TAFA2: variants seen among roughly 807,000 people sequenced by gnomAD.
TAFA2 encodes TAFA chemokine like family member 2.
Under a neutral mutation model 18.8 loss-of-function variants are expected in TAFA2, and 7 were observed. The observed-to-expected ratio is 0.37, with a 90% CI of 0.21 to 0.70. TAFA2 has a LOEUF of 0.70. Ranked by LOEUF, TAFA2 falls within the 30% of genes least tolerant of loss-of-function variation. The pLI, the probability that TAFA2 is intolerant of heterozygous loss-of-function variation, is 0.53. For missense variants in TAFA2, 122 were observed against 158.1 expected, an observed-to-expected ratio of 0.77 and a Z score of 1.23; for synonymous variants, 60 against 54.2, an observed-to-expected ratio of 1.11 and a Z score of -0.47.
At chr12:62,141,223 A>G (rs904475227) in intron 1 of TAFA2, among the ~76,000 whole-genome samples, 1 of 152,244 alleles carries the variant, frequency 6.6e-6, no homozygotes, top group Non-Finnish European at 1.5e-5. Flanking sequence ...ATCTCTGAGG[A>G]GGAAAGTTCA....
chr12:62,124,532 A>C (rs185342662), intron 1 of TAFA2, among the ~76,000 whole-genome samples: 2 of 152,292 alleles, frequency 1.3e-5, no homozygotes, highest in East Asian at 3.9e-4. Flanking sequence ...TTGCTGTTAA[A>C]AGGAAATGTT....
At chr12:62,233,820 C>A (rs1470431495) in intron 1 of TAFA2, among the ~76,000 whole-genome samples, 1 of 152,176 alleles carries the variant, frequency 6.6e-6, no homozygotes, top group Non-Finnish European at 1.5e-5. Context: ...GGATGGAGGG[C>A]ACCTGGATGT....
At chr12:61,998,397 G>A (rs550543407) in intron 1 of TAFA2, among the ~76,000 whole-genome samples, 11 of 152,118 alleles carry the variant, frequency 7.2e-5, no homozygotes, top group South Asian at 2.1e-4. Context: ...AAAAGATAGC[G>A]CTCTCATGAA....
intron 2 of TAFA2, among the ~76,000 whole-genome samples, chr12:61,863,357 G>A (rs1874207370): frequency 6.6e-6 from 1 of 152,206 alleles, no homozygotes; most frequent in Admixed American, 6.5e-5. Flanking sequence ...GCATCTTGTG[G>A]CATTCCTGTG....
intron 1 of TAFA2, chr12:62,145,528 G>A (rs2062274258): frequency 6.6e-6 from 1 of 152,126 alleles, no homozygotes; most frequent in South Asian, 2.1e-4. Flanking sequence ...CTGATATAAG[G>A]GACCTAAAGA....
intron 2 of TAFA2, among the ~76,000 whole-genome samples, chr12:61,765,761 A>G (rs1279381592): frequency 6.6e-6 from 1 of 152,112 alleles, no homozygotes; most frequent in East Asian, 1.9e-4. Flanking sequence ...ACCCTTGTAT[A>G]TATTTATGTA....
intron 1 of TAFA2, among the ~76,000 whole-genome samples, chr12:62,011,275 C>T (rs887805028): frequency 6.6e-6 from 1 of 151,986 alleles, no homozygotes; most frequent in Non-Finnish European, 1.5e-5. Flanking sequence ...GAGAGCGGGC[C>T]ATGATGACGA....
At chr12:61,966,087 T>C (rs575615577) in intron 1 of TAFA2, among the ~76,000 whole-genome samples, 2 of 151,996 alleles carry the variant, frequency 1.3e-5, no homozygotes, top group African/African-American at 2.4e-5. Flanking sequence ...GCCATACTAT[T>C]TTCCACAGTG....
intron 1 of TAFA2, among the ~76,000 whole-genome samples, chr12:62,019,123 A>T (rs1881034056): frequency 6.6e-6 from 1 of 152,224 alleles, no homozygotes; most frequent in African/African-American, 2.4e-5. Flanking sequence ...AACCACAATG[A>T]GATACCATCT....
At chr12:61,858,472 G>C (rs994748397) in intron 2 of TAFA2, among the ~76,000 whole-genome samples, 15 of 151,810 alleles carry the variant, frequency 9.9e-5, no homozygotes, top group Non-Finnish European at 1.3e-4. Context: ...AAGTTCTAGG[G>C]TACATGTGTG....
At chr12:61,869,085 T>C (rs766432809) in intron 1 of TAFA2, among the ~76,000 whole-genome samples, 7 of 152,182 alleles carry the variant, frequency 4.6e-5, no homozygotes, top group Non-Finnish European at 7.4e-5. Context: ...TTGGGAGGCT[T>C]GTCCATTCGT....
At chr12:61,979,843 G>A (rs180686935) in intron 1 of TAFA2, among the ~76,000 whole-genome samples, 2 of 152,116 alleles carry the variant, frequency 1.3e-5, no homozygotes, top group Admixed American at 1.3e-4. Flanking sequence ...TGCAGATATG[G>A]CAAACGAGAC....
chr12:61,993,487 CA>C lies in TAFA2; in HGVS notation c.-1-126062del, dbSNP rs1196172733. Reference sequence around the variant, plus strand: ...TAGTGGCGATTGAGAATGTTCATAGCAAGGGTTAAATGATGTATTACCTTGA... The same window carrying C: ...TAGTGGCGATTGAGAATGTTCATAGCAGGGTTAAATGATGTATTACCTTGA... On this transcript the variant is annotated intron_variant, in intron 1 of 4. Coordinates refer to ENST00000416284, the MANE Select transcript of TAFA2 (RefSeq NM_178539.5). Among the ~76,000 whole-genome samples, 6 of 152,162 alleles carry C rather than the reference CA, an allele frequency of 3.9e-5. No homozygotes were observed. The East Asian group carries it at 1.2e-3, about 29-fold the overall frequency.
chr12:62,184,549 C>T (rs1341776356), intron 1 of TAFA2, among the ~76,000 whole-genome samples: 2 of 145,016 alleles, frequency 1.4e-5, no homozygotes, highest in African/African-American at 2.6e-5. Flanking sequence ...GGCTAGAGTG[C>T]ATGGTGTGAT....
At chr12:62,241,067 T>G (rs2062860833) in intron 1 of TAFA2, among the ~76,000 whole-genome samples, 1 of 152,148 alleles carries the variant, frequency 6.6e-6, no homozygotes, top group Non-Finnish European at 1.5e-5. Context: ...TCTGTCTACT[T>G]TTGCAACATG....
At chr12:62,162,506 T>C (rs2062413132) in intron 1 of TAFA2, among the ~76,000 whole-genome samples, 1 of 152,228 alleles carries the variant, frequency 6.6e-6, no homozygotes, top group African/African-American at 2.4e-5. Context: ...GTGATGCATA[T>C]CACCTACTTT....
At chr12:61,981,838 G>A (rs564786451) in intron 1 of TAFA2, among the ~76,000 whole-genome samples, 1 of 152,282 alleles carries the variant, frequency 6.6e-6, no homozygotes, top group South Asian at 2.1e-4. Context: ...TCCCACTGTT[G>A]GTGGGAGTGT....
At chr12:61,786,107 G>C (rs1051445058) in intron 2 of TAFA2, among the ~76,000 whole-genome samples, 4 of 151,506 alleles carry the variant, frequency 2.6e-5, no homozygotes, top group African/African-American at 9.7e-5. Context: ...CAAAGGGAAA[G>C]AAACATCCAC....
Position 61,760,365 on chromosome 12 carries a change from A to AATATATATAT in TAFA2, c.107-5351_107-5342dup, listed in dbSNP as rs71083956. Among the ~76,000 whole-genome samples, 101 of 122,214 alleles carry AATATATATAT rather than the reference A, an allele frequency of 8.3e-4. 3 individuals are homozygous for AATATATATAT. The highest frequency in any genetic ancestry group is 1.6e-3 in the African/African-American group (55 of 33,404). 80.2% of individuals were successfully genotyped at this position (122,214 alleles called of 152,430 possible). The stretch of plus-strand genomic sequence containing the variant: ...TTGGCATTGGTAGGAAAAATATCAA[A>AATATATATAT]ATATATATATATATATATGCGCCAG... On this transcript the variant is annotated intron_variant, in intron 2 of 4. Transcript: ENST00000416284.
Sources: gnomAD v4.1 joint callset for allele counts (sites outside exome capture counted in the v4.1 genomes callset) on GRCh38, gnomAD v4.1.1 for gene constraint, MANE v1.5 for transcripts, NCBI Gene and HGNC (gene_info 2026-07-23, HGNC 2026-07-21) for gene names.